PIP4K2B: variants seen among roughly 807,000 people sequenced by gnomAD.
PIP4K2B encodes phosphatidylinositol 5-phosphate 4-kinase type-2 beta.
PIP4K2B carries 3 observed loss-of-function variants against 42.0 expected under a neutral mutation model. The observed-to-expected ratio is 0.07, with a 90% confidence interval of 0.03 to 0.18. PIP4K2B has a LOEUF of 0.18. PIP4K2B is among the 10% of genes least tolerant of loss of function. The pLI is 1.00. For synonymous variants in PIP4K2B, 204 were observed against 210.1 expected (o/e 0.97, Z 0.25); for missense variants, 332 against 562.3 (o/e 0.59, Z 4.14).
intron 1 of PIP4K2B, among the ~76,000 whole-genome samples, chr17:38,798,709 T>C (rs916867888): frequency 3.3e-5 from 5 of 152,154 alleles, no homozygotes; most frequent in South Asian, 2.1e-4. Context: ...GCTTCTCCAG[T>C]TGATACATCT....
chr17:38,792,186 T>C (rs1239978682), intron 1 of PIP4K2B, among the ~76,000 whole-genome samples: 3 of 147,898 alleles, frequency 2.0e-5, no homozygotes, highest in South Asian at 2.1e-4. Flanking sequence ...CTCACTTCCA[T>C]AGGCCAGGCT....
intron 1 of PIP4K2B, among the ~76,000 whole-genome samples, chr17:38,795,099 C>CAAAAAAA (rs61707682): frequency 0.029 from 1,185 of 40,842 alleles, no homozygotes; most frequent in Non-Finnish European, 0.038. Flanking sequence ...AACTCCATCT[C>CAAAAAAA]AAAAAAAAAA....
intron 1 of PIP4K2B, among the ~76,000 whole-genome samples, chr17:38,798,724 CAAG>C (rs1567665758): frequency 2.0e-5 from 3 of 151,810 alleles, no homozygotes; most frequent in Admixed American, 1.3e-4. Flanking sequence ...ACATCTTGTT[CAAG>C]AGGGAAAAAA....
At chr17:38,785,532 A>G (rs1166345186) in intron 2 of PIP4K2B, among the ~76,000 whole-genome samples, 2 of 152,092 alleles carry the variant, frequency 1.3e-5, no homozygotes, top group African/African-American at 4.8e-5. Flanking sequence ...CAAAAAAATT[A>G]GCCGGGCGTG....
At chr17:38,798,042 C>A (rs1174509539) in intron 1 of PIP4K2B, among the ~76,000 whole-genome samples, 1 of 152,178 alleles carries the variant, frequency 6.6e-6, no homozygotes, top group Admixed American at 6.5e-5. Flanking sequence ...ATCTAAAACC[C>A]TAGCTCAGAT....
chr17:38,772,947 A>C (rs8082087), intron 7 of PIP4K2B, among the ~76,000 whole-genome samples: 3,595 of 152,238 alleles, frequency 0.024, 155 homozygotes, highest in African/African-American at 0.082. Flanking sequence ...GAGGTTGCTA[A>C]GATCTCCTGT....
rs949108119 is a variant in PIP4K2B, at chr17:38,799,462, G to C, written c.-38C>G. 4.6e-6 allele frequency: 7 copies of C among 1,526,382 alleles called. No homozygotes were observed. The highest frequency in any genetic ancestry group is 6.1e-6 in the Non-Finnish European group (7 of 1,144,892). The allele number at this position is 1,526,382 out of a possible 1,614,324, so 94.6% of individuals were successfully genotyped here. A position where few individuals can be genotyped will look rare whatever the true frequency, so the allele number is the denominator to read the frequency against. On this transcript the variant is annotated 5_prime_UTR_variant, in exon 1 of 10. Transcript: ENST00000619039. The surrounding 1 kb of genome is among the most constrained non-coding windows in gnomAD (Gnocchi z 4.4). ...GGCGGCGGCGGCGAAAGAGGGGGGC[G>C]GCGGAGACAGCGCACAAGCCAGCGG...
chr17:38,796,600 A>T (rs1910671001), intron 1 of PIP4K2B, among the ~76,000 whole-genome samples: 1 of 152,132 alleles, frequency 6.6e-6, no homozygotes, highest in African/African-American at 2.4e-5. Context: ...TTCTTCCTCC[A>T]CAAAATCCAT....
intron 1 of PIP4K2B, among the ~76,000 whole-genome samples, chr17:38,793,279 C>T (rs1330035184): frequency 5.3e-5 from 7 of 131,350 alleles, no homozygotes; most frequent in South Asian, 2.5e-4. Flanking sequence ...GAGTTTTGCT[C>T]GTCACCCAGG....
At chr17:38,783,541 CT>C (rs1909828052) in intron 3 of PIP4K2B, among the ~76,000 whole-genome samples, 1 of 152,132 alleles carries the variant, frequency 6.6e-6, no homozygotes, top group Admixed American at 6.5e-5. Flanking sequence ...TGAAGTCTTC[CT>C]TTTCTAATCT....
intron 1 of PIP4K2B, among the ~76,000 whole-genome samples, chr17:38,790,955 G>C (rs995852165): frequency 6.6e-6 from 1 of 152,060 alleles, no homozygotes; most frequent in Non-Finnish European, 1.5e-5. Context: ...TGTTCCTATT[G>C]AAATATCTGC....
intron 4 of PIP4K2B, 41 bp from the exon 5 acceptor site, chr17:38,779,570 C>T: frequency 2.5e-6 from 4 of 1,587,604 alleles, no homozygotes; most frequent in South Asian, 1.1e-5. Flanking sequence ...AAGGAACAGG[C>T]AGTGCCAGGG....
chr17:38,768,016 A>C lies in PIP4K2B; in HGVS notation c.*1675T>G, dbSNP rs770398580. On this transcript the variant is annotated 3_prime_UTR_variant, in exon 10 of 10. Transcript: ENST00000619039. Reference sequence around the variant, plus strand: ...TGCCGTCTCCATTCTTTCCTGACCTATATGCTGTGAGTCAGGCACAGAGAC... The same window carrying C: ...TGCCGTCTCCATTCTTTCCTGACCTCTATGCTGTGAGTCAGGCACAGAGAC... 6.6e-6 allele frequency: 1 copy of C among 152,158 alleles called. No individual in the cohort carries two copies. Among genetic ancestry groups the C allele is most frequent in the Non-Finnish European group, 1.5e-5 (1 of 68,046 alleles). The allele number at this position is 152,158 out of a possible 1,614,324, so 9.4% of individuals were successfully genotyped here. A position where few individuals can be genotyped will look rare whatever the true frequency, so the allele number is the denominator to read the frequency against.
chr17:38,784,633 T>A (rs530449514), intron 2 of PIP4K2B, among the ~76,000 whole-genome samples: 3 of 152,290 alleles, frequency 2.0e-5, no homozygotes, highest in East Asian at 1.9e-4. Context: ...TCTAGGCTCT[T>A]AGGAATTCTG....
chr17:38,798,254 G>A (rs578186315), intron 1 of PIP4K2B, among the ~76,000 whole-genome samples: 1 of 152,226 alleles, frequency 6.6e-6, no homozygotes, highest in East Asian at 1.9e-4. Context: ...TTGGTGTTTC[G>A]GGTCCTTTTA....
rs11332365 is a variant in PIP4K2B, at chr17:38,779,236, CA to C, written c.654+146del. 6.8e-3 allele frequency: 5,210 copies of C among 761,388 alleles called. 217 individuals carry two copies. The African/African-American group carries it at 0.081, about 12-fold the overall frequency. The allele number at this position is 761,388 out of a possible 1,614,324, so 47.2% of individuals were successfully genotyped here. ...TGGACTTCAAACTGCCTTTGGTCCACAAGAATCAGGCATATCCACTCCAGAG... is the reference window on the plus strand; with the variant it reads ...TGGACTTCAAACTGCCTTTGGTCCACAGAATCAGGCATATCCACTCCAGAG... On this transcript the variant is annotated intron_variant, in intron 5 of 9. Coordinates refer to ENST00000619039, the MANE Select transcript of PIP4K2B (RefSeq NM_003559.5).
Position 38,799,398 on chromosome 17 carries a change from C to G in PIP4K2B, c.27G>C (p.Thr9=). Residue 9 remains threonine (T), a synonymous_variant, in exon 1 of 10, where the codon ACG becomes ACC. Coordinates refer to ENST00000619039, the MANE Select transcript of PIP4K2B (RefSeq NM_003559.5). This position sits in a 1 kb window ranked among gnomAD's most constrained non-coding sequence, Gnocchi z 4.4. MSSNCTST[T]AVAVAPLSAS... ...CGCTGAGCGGCGCCACCGCCACCGC[C>G]GTGGTGCTGGTGCAGTTGGACGACA... 6.2e-7 allele frequency: 1 copy of G among 1,604,806 alleles called. No homozygotes were observed. The highest frequency in any genetic ancestry group is 8.5e-7 in the Non-Finnish European group (1 of 1,177,724).
At chr17:38,793,204 C>T (rs1344589632) in intron 1 of PIP4K2B, among the ~76,000 whole-genome samples, 3 of 150,762 alleles carry the variant, frequency 2.0e-5, no homozygotes, top group South Asian at 2.1e-4. Flanking sequence ...GCTGGGATCA[C>T]AGGCGTAAGC....
chr17:38,793,246 CTTT>C (rs67325199), intron 1 of PIP4K2B, among the ~76,000 whole-genome samples: 9 of 128,048 alleles, frequency 7.0e-5, no homozygotes, highest in Admixed American at 1.6e-4. Flanking sequence ...AAGATTTTTT[CTTT>C]TTTTTTTTTT....
Sources: allele counts gnomAD v4.1 joint callset (sites outside exome capture counted in the v4.1 genomes callset), GRCh38; gene constraint gnomAD v4.1.1; non-coding constraint Gnocchi (gnomAD v3.1); transcripts MANE v1.5; gene names NCBI Gene and HGNC (gene_info 2026-07-23, HGNC 2026-07-21).